RBFOX1: variants seen among roughly 807,000 people sequenced by gnomAD.
RBFOX1 encodes the protein RNA binding protein fox-1 homolog 1.
Under a neutral mutation model 57.7 loss-of-function variants are expected in RBFOX1, and 8 were observed. That is an observed-to-expected ratio of 0.14 (90% CI 0.08 to 0.25). RBFOX1 has a LOEUF of 0.25. RBFOX1 is among the 10% of genes least tolerant of loss of function. RBFOX1 has a pLI of 1.00. For missense variants in RBFOX1, 611 were observed against 548.5 expected (o/e 1.11, Z -1.14); for synonymous variants, 326 against 222.4 (o/e 1.47, Z -4.15).
chr16:7,605,781 C>G (rs2095260402), intron 9 of RBFOX1, among the ~76,000 whole-genome samples: 1 of 152,156 alleles, frequency 6.6e-6, no homozygotes, highest in African/African-American at 2.4e-5. Flanking sequence ...TGGTATTTGG[C>G]CTTCTGCTCA....
chr16:6,625,888 C>T lies in RBFOX1; in HGVS notation c.-63-28715C>T, dbSNP rs549401912. ...GTTGTTGGGGATTCTTACATTGGCT[C>T]CAGGTAGAAATTAGCTCTGATCCCA... On this transcript the variant is annotated intron_variant, in intron 2 of 15. Coordinates refer to ENST00000550418, the MANE Select transcript of RBFOX1 (RefSeq NM_018723.4). Among the ~76,000 whole-genome samples the T allele has an allele frequency of 5.9e-5, 9 of 152,174 alleles. No homozygotes were observed. In the South Asian group the frequency reaches 1.9e-3, roughly 32 times the overall value.
intron 4 of RBFOX1, among the ~76,000 whole-genome samples, chr16:7,221,280 G>A (rs1341082864): frequency 6.6e-6 from 1 of 152,096 alleles, no homozygotes; most frequent in Non-Finnish European, 1.5e-5. Context: ...CTCAGAAGGT[G>A]ATTTGGCTAG....
intron 2 of RBFOX1, among the ~76,000 whole-genome samples, chr16:6,571,745 A>G (rs1032440692): frequency 6.6e-5 from 10 of 152,308 alleles, no homozygotes; most frequent in Admixed American, 2.0e-4. Context: ...AGAAGAATGC[A>G]CCAGCAGAGT....
At chr16:6,935,030 G>T (rs932580331) in intron 3 of RBFOX1, among the ~76,000 whole-genome samples, 2 of 152,006 alleles carry the variant, frequency 1.3e-5, no homozygotes, top group Admixed American at 1.3e-4. Context: ...AGGGGTTGTT[G>T]CAGTGAGACA....
At chr16:7,127,540 T>A (rs2068927639) in intron 4 of RBFOX1, among the ~76,000 whole-genome samples, 1 of 152,198 alleles carries the variant, frequency 6.6e-6, no homozygotes, top group Non-Finnish European at 1.5e-5. Context: ...TGGTGTGTAC[T>A]GTATGTGTAT....
intron 4 of RBFOX1, among the ~76,000 whole-genome samples, chr16:7,214,874 A>G (rs986920972): frequency 2.6e-5 from 4 of 152,070 alleles, no homozygotes; most frequent in African/African-American, 9.7e-5. Flanking sequence ...TCTCACAGTG[A>G]AAGAGTTTTG....
chr16:6,265,392 G>T (rs1736550731), intron 1 of RBFOX1, among the ~76,000 whole-genome samples: 1 of 152,044 alleles, frequency 6.6e-6, no homozygotes, highest in South Asian at 2.1e-4. Context: ...CTCCCGAGTA[G>T]CTGGGATTAC....
Position 5,563,138 on chromosome 16 carries a change from G to A in RBFOX1, c.259-35764G>A, listed in dbSNP as rs141502173. On this transcript the variant is annotated intron_variant, in intron 2 of 2. Coordinates refer to the RBFOX1 transcript ENST00000585867. Reference sequence around the variant, plus strand: ...CTAATTTTTGCATTTTTGTAGAGACGGGGTTTCACCATGTTGGTCAGGCTG... The same window carrying A: ...CTAATTTTTGCATTTTTGTAGAGACAGGGTTTCACCATGTTGGTCAGGCTG... Among the ~76,000 whole-genome samples the A allele has an allele frequency of 1.3e-3, 202 of 152,246 alleles. 1 individual carries two copies. The highest frequency in any genetic ancestry group is 4.5e-3 in the African/African-American group (189 of 41,558).
intron 3 of RBFOX1, among the ~76,000 whole-genome samples, chr16:6,806,837 T>TAAATATATAAA (rs1491107829): frequency 1.5e-5 from 1 of 68,944 alleles, no homozygotes; most frequent in South Asian, 5.0e-4. Flanking sequence ...TATATATATA[T>TAAATATATAAA]TTTTTTTTTT....
At chr16:7,367,936 C>T (rs1321421787) in intron 4 of RBFOX1, among the ~76,000 whole-genome samples, 3 of 151,694 alleles carry the variant, frequency 2.0e-5, no homozygotes, top group African/African-American at 7.3e-5. Flanking sequence ...TGATCAAACA[C>T]ATCATTAGCC....
intron 4 of RBFOX1, among the ~76,000 whole-genome samples, chr16:7,232,257 C>T (rs989969229): frequency 3.9e-5 from 6 of 152,106 alleles, no homozygotes; most frequent in African/African-American, 1.2e-4. Context: ...CTCCTGAAAA[C>T]TGTTTACTTT....
At chr16:6,505,071 T>G (rs537982690) in intron 2 of RBFOX1, among the ~76,000 whole-genome samples, 68 of 152,250 alleles carry the variant, frequency 4.5e-4, no homozygotes, top group African/African-American at 1.3e-3. Context: ...ACACTCCGTC[T>G]CAATAAATAA....
chr16:6,201,479 C>G (rs542982630), intron 1 of RBFOX1, among the ~76,000 whole-genome samples: 2 of 152,154 alleles, frequency 1.3e-5, no homozygotes, highest in South Asian at 4.2e-4. Flanking sequence ...ATTGGACTTA[C>G]AGAGATAGAG....
chr16:6,958,876 G>T (rs2082377658), intron 3 of RBFOX1, among the ~76,000 whole-genome samples: 1 of 151,984 alleles, frequency 6.6e-6, no homozygotes, highest in South Asian at 2.1e-4. Flanking sequence ...ACCTTTTTTT[G>T]AGAACTGAGA....
chr16:5,275,759 A>G (rs1241780069), intron 1 of RBFOX1, among the ~76,000 whole-genome samples: 1 of 152,222 alleles, frequency 6.6e-6, no homozygotes, highest in Non-Finnish European at 1.5e-5. Context: ...ACCAATCTAG[A>G]GGCATCACAT....
At position 7,653,917 on chromosome 16, in the gene RBFOX1, C is replaced by A. The variant is rs757092123; in HGVS notation, c.860C>A (p.Ala287Glu). 2 of 1,562,218 alleles carry A rather than the reference C, an allele frequency of 1.3e-6. No homozygotes were observed. The highest frequency in any genetic ancestry group is 2.3e-5 in the East Asian group (1 of 43,602). ...RTVYNTFRAA[A>E]PPPPIPAYGG... is the part of the protein sequence containing the mutation. The stretch of plus-strand genomic sequence containing the variant: ...GTGTACAACACCTTCAGGGCCGCGG[C>A]GCCCCCGCCCCCGATCCCGGCCTAC... Residue 287 changes from alanine (A) to glutamate (E), a missense_variant, in exon 12 of 16, where the codon GCG (alanine) becomes GAG (glutamate). Ala to Glu is a moderately radical substitution (Grantham distance 107). Coordinates refer to ENST00000550418, the MANE Select transcript of RBFOX1 (RefSeq NM_018723.4).
At chr16:5,856,599 A>ATG (rs2057076672) in intron 3 of RBFOX1, among the ~76,000 whole-genome samples, 2 of 104,518 alleles carry the variant, frequency 1.9e-5, no homozygotes, top group Admixed American at 2.3e-4. Context: ...ATATATATAT[A>ATG]TATATAATCT....
At chr16:7,412,555 C>G (rs1358269182) in intron 4 of RBFOX1, among the ~76,000 whole-genome samples, 1 of 152,038 alleles carries the variant, frequency 6.6e-6, no homozygotes, top group African/African-American at 2.4e-5. Context: ...AACATAAGCC[C>G]ACACAAAAAA....
At chr16:5,807,824 C>G (rs2151768146) in intron 3 of RBFOX1, among the ~76,000 whole-genome samples, 1 of 152,316 alleles carries the variant, frequency 6.6e-6, no homozygotes, top group African/African-American at 2.4e-5. Context: ...ACCTAACCAG[C>G]TCCCAGGTGA....
Sources: allele counts gnomAD v4.1 joint callset (sites outside exome capture counted in the v4.1 genomes callset), GRCh38; gene constraint gnomAD v4.1.1; transcripts MANE v1.5; gene names NCBI Gene and HGNC (gene_info 2026-07-23, HGNC 2026-07-21).